The following DNAH7 variants were observed in gnomAD, a reference collection of about 807,000 sequenced individuals.
DNAH7 encodes dynein axonemal heavy chain 7, also known as axonemal beta dynein heavy chain 7.
DNAH7 carries 397 observed loss-of-function variants against 444.6 expected under a neutral mutation model. The ratio of observed to expected loss-of-function variants is 0.89; its 90% CI spans 0.82 to 0.97. The LOEUF is 0.97. Among genes scored for constraint, DNAH7 ranks in the 50% least tolerant of loss-of-function variants. DNAH7 has a pLI of 0.00. For synonymous variants in DNAH7, 1,636 were observed against 1,624.4 expected (o/e 1.01, Z -0.17); for missense variants, 4,902 against 4,800.8 (o/e 1.02, Z -0.62).
intron 24 of DNAH7, among the ~76,000 whole-genome samples, chr2:195,917,944 T>C (rs1163544243): frequency 6.6e-6 from 1 of 152,166 alleles, no homozygotes; most frequent in African/African-American, 2.4e-5. Context: ...GCTGGAATTA[T>C]AGGTGTGAGC....
In DNAH7 at chr2:195,957,288, C is replaced by A. The variant is rs1559271177; in HGVS notation, c.3051G>T (p.Trp1017Cys). ...GRRFTAVDKT[W>C]RDIMRSVMQD... is the part of the protein sequence containing the mutation. ...GCATGACACTTCTCATTATATCTCTCCATGTCTTATCCACAGCTGTAAATC... is the reference window on the plus strand; with the variant it reads ...GCATGACACTTCTCATTATATCTCTACATGTCTTATCCACAGCTGTAAATC... Residue 1017 changes from tryptophan (W) to cysteine (C), a missense_variant, in exon 19 of 65, where the codon TGG (tryptophan) becomes TGT (cysteine). Physicochemically the swap from Trp to Cys is radical, Grantham distance 215. Coordinates refer to ENST00000312428, the MANE Select transcript of DNAH7 (RefSeq NM_018897.3). The A allele has an allele frequency of 1.3e-6, 2 of 1,591,470 alleles. No homozygotes were observed. Among genetic ancestry groups the A allele is most frequent in the East Asian group, 4.5e-5 (2 of 44,200 alleles).
At position 196,064,405 on chromosome 2, in the gene DNAH7, C is replaced by T. The variant is rs184500703; in HGVS notation, c.15+4292G>A. On this transcript the variant is annotated intron_variant, in intron 1 of 64. Coordinates refer to ENST00000312428, the MANE Select transcript of DNAH7 (RefSeq NM_018897.3). ...ACAAAACCTTCAATTGTGCTTTTCA[C>T]TCCAATTATCACCCAATTAATTTAT... Among the ~76,000 whole-genome samples the T allele has an allele frequency of 4.9e-4, 75 of 151,782 alleles. 9 individuals are homozygous for T. Among genetic ancestry groups the T allele is most frequent in the East Asian group, 4.8e-3 (25 of 5,188 alleles).
intron 51 of DNAH7, among the ~76,000 whole-genome samples, chr2:195,815,500 T>C (rs183264514): frequency 6.6e-6 from 1 of 152,158 alleles, no homozygotes; most frequent in East Asian, 1.9e-4. Context: ...AGGAATTAAA[T>C]TCAGATTTTA....
chr2:196,056,166 C>T lies in DNAH7; in HGVS notation c.78+1888G>A, dbSNP rs374724258. Among the ~76,000 whole-genome samples, 7 of 152,110 alleles carry T rather than the reference C, an allele frequency of 4.6e-5. No homozygotes were observed. The East Asian group carries it at 5.8e-4, about 13-fold the overall frequency. On this transcript the variant is annotated intron_variant, in intron 2 of 64. Coordinates refer to ENST00000312428, the MANE Select transcript of DNAH7 (RefSeq NM_018897.3). ...ACATCAAGAAAATATCTTTTGTGGC[C>T]GGGCGCAGTGGTTCACGCCTGTAAT...
chr2:196,055,345 CA>C (rs200852214), intron 2 of DNAH7, among the ~76,000 whole-genome samples: 3 of 149,304 alleles, frequency 2.0e-5, no homozygotes, highest in East Asian at 1.9e-4. Flanking sequence ...CTCCTTGTCT[CA>C]AAAAAAAATT....
chr2:196,040,658 G>A (rs1192763235), intron 5 of DNAH7, among the ~76,000 whole-genome samples: 2 of 152,076 alleles, frequency 1.3e-5, no homozygotes, highest in Non-Finnish European at 2.9e-5. Context: ...TGTAAGATCT[G>A]GAACAAGAGA....
chr2:195,744,491 AGGAGAGCAGTGGTTC>A (rs1014252166), intron 63 of DNAH7, among the ~76,000 whole-genome samples: 4 of 152,216 alleles, frequency 2.6e-5, no homozygotes, highest in Admixed American at 1.3e-4. Flanking sequence ...GACAGCTTTG[AGGAGAGCAGTGGTTC>A]TCCCAGCATG....
At position 195,834,344 on chromosome 2, in the gene DNAH7, G is replaced by A; in HGVS notation, c.8962C>T (p.Pro2988Ser). The stretch of plus-strand genomic sequence containing the variant: ...TGACTTTGAGGATCTATCATCAGAG[G>A]CCACCTTCTTGCATTCCTGAAAAGG... The part of the protein sequence containing the change: ...GIIIMNARRW[P>S]LMIDPQSQAN... Residue 2988 changes from proline (P) to serine (S), a missense_variant, in exon 48 of 65, where the codon CCT becomes TCT. By Grantham distance (74) the Pro-to-Ser change is moderately conservative (BLOSUM62 -1). Transcript: ENST00000312428. 6.3e-7 allele frequency: 1 copy of A among 1,594,016 alleles called. No homozygotes were observed. The highest frequency in any genetic ancestry group is 8.6e-7 in the Non-Finnish European group (1 of 1,165,022).
intron 24 of DNAH7, among the ~76,000 whole-genome samples, chr2:195,913,108 T>C (rs955076635): frequency 6.6e-6 from 1 of 152,040 alleles, no homozygotes; most frequent in African/African-American, 2.4e-5. Context: ...AAAACAGTAA[T>C]AAGAAAGAAT....
At position 195,994,913 on chromosome 2, in the gene DNAH7, T is replaced by C. The variant is rs190765045; in HGVS notation, c.1353+5791A>G. 15 of 330,952 alleles carry C rather than the reference T, an allele frequency of 4.5e-5. No individual in the cohort carries two copies. The East Asian group carries it at 9.9e-4, about 22-fold the overall frequency. 20.5% of individuals were successfully genotyped at this position (330,952 alleles called of 1,614,324 possible). The stretch of plus-strand genomic sequence containing the variant: ...AGCATGTCCTCATCCTCAGACAGAC[T>C]GTAGCCCACTGGATGTTTTCCTTCT... On this transcript the variant is annotated intron_variant, in intron 12 of 64. Transcript: ENST00000312428.
At chr2:195,940,416 A>C (rs919415446) in intron 19 of DNAH7, among the ~76,000 whole-genome samples, 5 of 152,222 alleles carry the variant, frequency 3.3e-5, no homozygotes, top group Admixed American at 2.6e-4. Context: ...AAACCATAAA[A>C]ACCCTAGAAA....
chr2:195,902,033 T>C (rs1686743522), intron 27 of DNAH7: 1 of 152,158 alleles, frequency 6.6e-6, no homozygotes, highest in South Asian at 2.1e-4. Context: ...AAGACAGCAA[T>C]ATTCTAAGGG....
At chr2:196,067,504 C>A (rs993008783) in intron 1 of DNAH7, among the ~76,000 whole-genome samples, 5 of 151,916 alleles carry the variant, frequency 3.3e-5, no homozygotes, top group African/African-American at 1.2e-4. Context: ...TTATTAATAC[C>A]AATACTAATT....
chr2:195,740,700 TTATA>T, intron 64 of DNAH7, 62 bp downstream of exon 64: 1 of 499,102 alleles, frequency 2.0e-6, no homozygotes, highest in Non-Finnish European at 2.9e-6. Flanking sequence ...GGGGTCTATT[TTATA>T]TATAATATAT....
At chr2:195,954,860 C>T (rs1394637584) in intron 19 of DNAH7, among the ~76,000 whole-genome samples, 1 of 152,170 alleles carries the variant, frequency 6.6e-6, no homozygotes, top group Non-Finnish European at 1.5e-5. Context: ...CCTTCACCCA[C>T]TTGTTGATGG....
rs1258137335 is a variant in DNAH7 at position 195,777,814 on chromosome 2, G to A, written c.11050C>T (p.Pro3684Ser). Residue 3684 changes from proline to serine, a missense_variant, in exon 59 of 65, where the codon CCT becomes TCT. Pro to Ser is a moderately conservative substitution (Grantham distance 74). Coordinates refer to ENST00000312428, the MANE Select transcript of DNAH7 (RefSeq NM_018897.3). ...KFDSSGIYFVPPSGDHKSYIE... is the reference protein window; with the variant it reads ...KFDSSGIYFVSPSGDHKSYIE... ...GGCATACTTACATCACCAGAAGGAG[G>A]AACAAAATAGATGCCACTTGAGTCG... is the stretch of plus-strand genomic sequence containing the variant. 6.8e-6 allele frequency: 11 copies of A among 1,612,010 alleles called. No homozygotes were observed. Among genetic ancestry groups the A allele is most frequent in the Non-Finnish European group, 9.3e-6 (11 of 1,178,644 alleles).
intron 19 of DNAH7, among the ~76,000 whole-genome samples, chr2:195,947,251 C>T (rs987276151): frequency 1.3e-5 from 2 of 151,580 alleles, no homozygotes; most frequent in African/African-American, 4.8e-5. Flanking sequence ...CCGCCTTGGC[C>T]TCCCAAAGTG....
intron 57 of DNAH7, among the ~76,000 whole-genome samples, chr2:195,788,851 CTGCATGTATGTGTATTTGTATATT>C (rs1695743925): frequency 6.6e-6 from 1 of 152,140 alleles, no homozygotes; most frequent in Non-Finnish European, 1.5e-5. Context: ...ATGAACTTGT[CTGCATGTATGTGTATTTGTATATT>C]TGCATGTATG....
rs140976714 is a variant in DNAH7 at position 195,990,775 on chromosome 2, T to TTGTGTGTGTGTGTG, written c.1354-2560_1354-2547dup. On this transcript the variant is annotated intron_variant, in intron 12 of 64. Transcript: ENST00000312428. ...TGATGTTTAGGTTACTATAGCTTTG[T>TTGTGTGTGTGTGTG]TGTGTGTGTGTGTGTGTGTGTGTGT... 2.3e-3 allele frequency among the ~76,000 whole-genome samples: 304 copies of TTGTGTGTGTGTGTG among 132,940 alleles called. 2 individuals are homozygous for TTGTGTGTGTGTGTG. The highest frequency in any genetic ancestry group is 8.0e-3 in the African/African-American group (277 of 34,696). 87.2% of individuals were successfully genotyped at this position (132,940 alleles called of 152,430 possible).
Sources: gnomAD v4.1 joint callset for allele counts (sites outside exome capture counted in the v4.1 genomes callset) on GRCh38, gnomAD v4.1.1 for gene constraint, MANE v1.5 for transcripts, NCBI Gene and HGNC (gene_info 2026-07-23, HGNC 2026-07-21) for gene names.